Variants in BICDL1 observed in about 807,000 individuals in gnomAD.
BICDL1 encodes BICD family-like cargo adapter 1.
A neutral mutation model predicts 76.8 loss-of-function variants in BICDL1; 20 were observed. The ratio of observed to expected loss-of-function variants is 0.26; its 90% CI spans 0.18 to 0.38. BICDL1 has a LOEUF of 0.38. Among genes scored for constraint, BICDL1 ranks in the 10% least tolerant of loss-of-function variants. BICDL1 has a pLI of 1.00. For synonymous variants in BICDL1, 383 were observed against 337.1 expected, an observed-to-expected ratio of 1.14 and a Z score of -1.49; for missense variants, 700 against 798.6, an observed-to-expected ratio of 0.88 and a Z score of 1.49.
chr12:120,032,359 T>C (rs1201642342), intron 2 of BICDL1, among the ~76,000 whole-genome samples: 1 of 152,190 alleles, frequency 6.6e-6, no homozygotes, highest in Non-Finnish European at 1.5e-5. Flanking sequence ...CTAAGTATCT[T>C]ATGGCCTAGC....
intron 2 of BICDL1, among the ~76,000 whole-genome samples, chr12:120,036,455 G>A (rs1323485482): frequency 1.3e-5 from 2 of 152,202 alleles, no homozygotes; most frequent in Non-Finnish European, 2.9e-5. Flanking sequence ...CTTGTACTGG[G>A]AGCGTTAGAC....
rs1404283086 is a variant in BICDL1 at position 119,989,492 on chromosome 12, A to T, written c.-377A>T. ...CAGCAGCAGCAGCGGCAGCGGCAAC[A>T]GGGCGGCTGAGAACCCGGCGGCGGC... On this transcript the variant is annotated 5_prime_UTR_variant, in exon 1 of 10. Transcript: ENST00000548673. Among the ~76,000 whole-genome samples the T allele has an allele frequency of 3.0e-5, 4 of 134,844 alleles. No homozygotes were observed. The East Asian group carries it at 9.1e-4, about 31-fold the overall frequency. The allele number at this position is 134,844 out of a possible 152,430, so 88.5% of individuals were successfully genotyped here.
chr12:120,072,593 C>G lies in BICDL1; in HGVS notation c.1172C>G (p.Ala391Gly). The change falls in exon 6 of 10, where the codon GCC (alanine) becomes GGC (glycine). Residue 391 changes from alanine to glycine, a missense_variant. This residue lies in a region of BICDL1 where 455 missense variants were observed against 548.7 expected (regional missense o/e 0.83). Coordinates refer to ENST00000548673, the MANE Select transcript of BICDL1 (RefSeq NM_001367886.1). ...CGAGGCAATGACAGTGCTGACTCAG[C>G]CGTCTCCACGGACTCCTCCATGGAC... is the stretch of plus-strand genomic sequence containing the variant. ...HLRGNDSADSAVSTDSSMDES... is the reference protein window; with the variant it reads ...HLRGNDSADSGVSTDSSMDES... 1 of 1,614,230 alleles carries G rather than the reference C, an allele frequency of 6.2e-7. No homozygotes were observed. The highest frequency in any genetic ancestry group is 8.5e-7 in the Non-Finnish European group (1 of 1,180,040).
intron 2 of BICDL1, among the ~76,000 whole-genome samples, chr12:120,020,180 C>T (rs1312022412): frequency 2.8e-5 from 4 of 143,142 alleles, no homozygotes; most frequent in African/African-American, 5.3e-5. Flanking sequence ...CTTGATAGGG[C>T]GAGCCTGACA....
At chr12:120,068,824 C>A (rs1872865131) in intron 4 of BICDL1, among the ~76,000 whole-genome samples, 1 of 152,086 alleles carries the variant, frequency 6.6e-6, no homozygotes, top group Admixed American at 6.6e-5. Context: ...TAGCATTTAG[C>A]AGCTGTGGTT....
chr12:120,029,441 T>C lies in BICDL1; in HGVS notation c.645+30705T>C, dbSNP rs891606725. Among the ~76,000 whole-genome samples the C allele has an allele frequency of 6.6e-5, 10 of 152,208 alleles. No homozygotes were observed. The East Asian group carries it at 7.7e-4, about 12-fold the overall frequency. On this transcript the variant is annotated intron_variant, in intron 2 of 9. Coordinates refer to ENST00000548673, the MANE Select transcript of BICDL1 (RefSeq NM_001367886.1). Reference sequence around the variant, plus strand: ...GCCATTCATGGACCCCGAATTGAAATGTAGATCTATTTAGAATTTTCAAAA... The same window carrying C: ...GCCATTCATGGACCCCGAATTGAAACGTAGATCTATTTAGAATTTTCAAAA...
rs1033124164 is a variant in BICDL1 at position 120,072,503 on chromosome 12, T to A, written c.1090-8T>A. ...GTCTGAAATGAATAGTAATTCTCTGTGGAACAGCTGAGACTGCAGCTCTGG... is the reference window on the plus strand; with the variant it reads ...GTCTGAAATGAATAGTAATTCTCTGAGGAACAGCTGAGACTGCAGCTCTGG... On this transcript the variant is annotated splice_region_variant and splice_polypyrimidine_tract_variant and intron_variant, in intron 5 of 9. Coordinates refer to ENST00000548673, the MANE Select transcript of BICDL1 (RefSeq NM_001367886.1). The A allele has an allele frequency of 3.0e-5, 48 of 1,613,704 alleles. No individual in the cohort carries two copies. The highest frequency in any genetic ancestry group is 4.1e-5 in the Non-Finnish European group (48 of 1,179,622).
rs553245413 is a variant in BICDL1 at position 120,027,678 on chromosome 12, G to T, written c.645+28942G>T. On this transcript the variant is annotated intron_variant, in intron 2 of 9. Coordinates refer to ENST00000548673, the MANE Select transcript of BICDL1 (RefSeq NM_001367886.1). ...TTTGAGATCTTTAAAAATCCAATTT[G>T]CACTCTGCAGGTGATGATGAAAATA... Among the ~76,000 whole-genome samples the T allele has an allele frequency of 2.4e-4, 37 of 152,222 alleles. No individual in the cohort carries two copies. In the East Asian group the frequency reaches 5.2e-3, roughly 21 times the overall value.
At chr12:120,087,342 C>T (rs562107009) in intron 8 of BICDL1, among the ~76,000 whole-genome samples, 64 of 152,346 alleles carry the variant, frequency 4.2e-4, no homozygotes, top group South Asian at 3.9e-3. Flanking sequence ...GCAGGCGGGC[C>T]GGCGGGCGGG....
chr12:120,053,660 GT>G (rs1247365088), intron 2 of BICDL1, among the ~76,000 whole-genome samples: 1 of 152,064 alleles, frequency 6.6e-6, no homozygotes, highest in African/African-American at 2.4e-5. Context: ...GGCTCATCCT[GT>G]ATTTTTCCTG....
At chr12:120,075,672 A>G (rs1873487493) in intron 7 of BICDL1, among the ~76,000 whole-genome samples, 2 of 152,188 alleles carry the variant, frequency 1.3e-5, no homozygotes, top group South Asian at 2.1e-4. Context: ...GGTGTGACCC[A>G]CCACATGTGG....
At chr12:119,999,128 G>C (rs1393270423) in intron 2 of BICDL1, among the ~76,000 whole-genome samples, 3 of 149,788 alleles carry the variant, frequency 2.0e-5, no homozygotes, top group African/African-American at 7.4e-5. Flanking sequence ...TAGATGACAA[G>C]AGCAATTCTG....
intron 2 of BICDL1, among the ~76,000 whole-genome samples, chr12:120,057,369 G>A (rs896116139): frequency 6.6e-6 from 1 of 152,110 alleles, no homozygotes; most frequent in African/African-American, 2.4e-5. Flanking sequence ...TATCCCTTCA[G>A]AGAGACTGCT....
chr12:120,074,388 C>T (rs1332670813), intron 6 of BICDL1, 55 bp from the exon 7 acceptor site: 1 of 1,024,824 alleles, frequency 9.8e-7, no homozygotes, highest in Non-Finnish European at 1.2e-6. Context: ...TCCCCCTTCC[C>T]TATCTCTCCT....
intron 4 of BICDL1, among the ~76,000 whole-genome samples, chr12:120,067,117 C>T (rs937887577): frequency 3.3e-5 from 5 of 152,182 alleles, no homozygotes. Context: ...CATTGAACAC[C>T]CAGTATATAT....
intron 2 of BICDL1, among the ~76,000 whole-genome samples, chr12:120,056,683 C>G (rs1952980447): frequency 1.3e-5 from 2 of 151,878 alleles, no homozygotes; most frequent in Non-Finnish European, 2.9e-5. Flanking sequence ...CGCTACTGCA[C>G]TCCAGCCTGG....
At position 119,989,462 on chromosome 12, in the gene BICDL1, GGCA is replaced by G. The variant is rs746391690; in HGVS notation, c.-392_-390del. On this transcript the variant is annotated 5_prime_UTR_variant, in exon 1 of 10. Coordinates refer to ENST00000548673, the MANE Select transcript of BICDL1 (RefSeq NM_001367886.1). ...CGTGAGGCGCTGCCCGGCCGGCGGC[GGCA>G]GCAGCAGCAGCAGCGGCAGCGGCAA... Among the ~76,000 whole-genome samples the G allele has an allele frequency of 3.4e-5, 5 of 146,968 alleles. No homozygotes were observed. Among genetic ancestry groups the G allele is most frequent in the East Asian group, 2.1e-4 (1 of 4,874 alleles).
At chr12:120,049,252 A>G (rs1305833160) in intron 2 of BICDL1, among the ~76,000 whole-genome samples, 1 of 152,220 alleles carries the variant, frequency 6.6e-6, no homozygotes, top group Non-Finnish European at 1.5e-5. Flanking sequence ...AAAATAGGGA[A>G]GAAGCATGCC....
intron 2 of BICDL1, among the ~76,000 whole-genome samples, chr12:120,016,030 C>T (rs1288891741): frequency 2.6e-5 from 4 of 152,166 alleles, no homozygotes; most frequent in African/African-American, 9.7e-5. Context: ...CAAAAAGTTC[C>T]CCCATATCGT....
Sources: gnomAD v4.1 joint callset for allele counts (sites outside exome capture counted in the v4.1 genomes callset) on GRCh38, gnomAD v4.1.1 for gene constraint, gnomAD v4.1.1 regional missense constraint, MANE v1.5 for transcripts, NCBI Gene and HGNC (gene_info 2026-07-23, HGNC 2026-07-21) for gene names.